KSR2: variants seen among roughly 807,000 people sequenced by gnomAD.
The protein encoded by KSR2 is kinase suppressor of ras 2.
Under a neutral mutation model 107.8 loss-of-function variants are expected in KSR2, and 25 were observed. The observed-to-expected ratio is 0.23, with a 90% CI of 0.17 to 0.32. The LOEUF (loss-of-function observed/expected upper bound fraction) is 0.32, where lower values mean the gene tolerates loss of function less well. KSR2 is among the 10% of genes least tolerant of loss of function. The probability of loss-of-function intolerance (pLI) is 1.00; values close to 1 mark genes in which losing one functional copy is unlikely to be tolerated. For missense variants in KSR2, 887 were observed against 1,268.9 expected (o/e 0.70, Z 4.57); for synonymous variants, 480 against 507.0 (o/e 0.95, Z 0.71).
intron 5 of KSR2, among the ~76,000 whole-genome samples, chr12:117,625,947 A>G (rs1207091054): frequency 2.6e-5 from 4 of 152,230 alleles, no homozygotes; most frequent in Admixed American, 2.0e-4. Context: ...ATATGTGTCC[A>G]GGAATTTATC....
chr12:117,729,721 T>C (rs1887583651), intron 4 of KSR2, among the ~76,000 whole-genome samples: 1 of 152,208 alleles, frequency 6.6e-6, no homozygotes, highest in African/African-American at 2.4e-5. Context: ...TTCATTCATT[T>C]GACAAACATT....
chr12:117,952,155 TCACACA>T (rs112314585), intron 1 of KSR2, among the ~76,000 whole-genome samples: 22 of 147,420 alleles, frequency 1.5e-4, no homozygotes, highest in African/African-American at 2.5e-4. Context: ...AATGTTCTCA[TCACACA>T]CACACACACA....
At chr12:117,639,308 TTTATTA>T (rs959495583) in intron 5 of KSR2, among the ~76,000 whole-genome samples, 2 of 151,362 alleles carry the variant, frequency 1.3e-5, no homozygotes, top group Non-Finnish European at 2.9e-5. Context: ...GACACACTAG[TTTATTA>T]TTATTATCAT....
intron 1 of KSR2, among the ~76,000 whole-genome samples, chr12:117,882,626 C>T (rs2137325601): frequency 6.6e-6 from 1 of 151,818 alleles, no homozygotes; most frequent in East Asian, 1.9e-4. Flanking sequence ...TCTATCCATC[C>T]ATCCATCCAT....
At chr12:117,567,944 A>T (rs1565904144) in intron 7 of KSR2, among the ~76,000 whole-genome samples, 1 of 151,636 alleles carries the variant, frequency 6.6e-6, no homozygotes, top group African/African-American at 2.4e-5. Context: ...GTATGCTCCA[A>T]GTACAGGATA....
chr12:117,843,496 C>T (rs1892575297), intron 3 of KSR2, among the ~76,000 whole-genome samples: 1 of 152,204 alleles, frequency 6.6e-6, no homozygotes, highest in South Asian at 2.1e-4. Flanking sequence ...CCCGTGTTTC[C>T]AGAATCCCCT....
At chr12:117,951,308 C>T (rs1046378676) in intron 1 of KSR2, among the ~76,000 whole-genome samples, 1 of 152,084 alleles carries the variant, frequency 6.6e-6, no homozygotes, top group South Asian at 2.1e-4. Context: ...GAGTTTATCA[C>T]AAAACACTGC....
In KSR2 at chr12:117,502,234, T is replaced by A. The variant is rs572316809; in HGVS notation, c.2220-16543A>T. Among the ~76,000 whole-genome samples, 8 of 152,358 alleles carry A rather than the reference T, an allele frequency of 5.3e-5. No individual in the cohort carries two copies. The East Asian group carries it at 1.5e-3, about 29-fold the overall frequency. Reference sequence around the variant, plus strand: ...ATGTGCATGACTGTAGGCGCATGTGTGTGTACATATGTATGTGGACTCACG... The same window carrying A: ...ATGTGCATGACTGTAGGCGCATGTGAGTGTACATATGTATGTGGACTCACG... On this transcript the variant is annotated intron_variant, in intron 14 of 19. Transcript: ENST00000339824.
intron 1 of KSR2, among the ~76,000 whole-genome samples, chr12:117,878,787 C>T (rs1428456128): frequency 6.6e-6 from 1 of 152,220 alleles, no homozygotes; most frequent in Non-Finnish European, 1.5e-5. Flanking sequence ...TGCTAAGCAG[C>T]TTCCCACTTT....
intron 17 of KSR2, among the ~76,000 whole-genome samples, chr12:117,474,681 TCCTAGGC>T (rs920422633): frequency 3.9e-5 from 6 of 152,184 alleles, no homozygotes; most frequent in Non-Finnish European, 8.8e-5. Flanking sequence ...TGGCGCTGTG[TCCTAGGC>T]CCTTCTTCTC....
chr12:117,697,346 T>C (rs1250795926), intron 4 of KSR2, among the ~76,000 whole-genome samples: 2 of 152,242 alleles, frequency 1.3e-5, no homozygotes, highest in Non-Finnish European at 2.9e-5. Context: ...AAAATGTTGA[T>C]TCTTGATCAG....
intron 10 of KSR2, among the ~76,000 whole-genome samples, chr12:117,538,115 C>A (rs892127108): frequency 9.3e-5 from 14 of 150,100 alleles, no homozygotes; most frequent in Admixed American, 9.3e-4. Flanking sequence ...TTTTTTTTCC[C>A]TTCATCCCCT....
intron 16 of KSR2, among the ~76,000 whole-genome samples, chr12:117,477,921 A>G (rs1223957000): frequency 6.6e-6 from 1 of 152,188 alleles, no homozygotes; most frequent in Non-Finnish European, 1.5e-5. Flanking sequence ...AAATTCTTAG[A>G]TGTGGAAGGA....
At chr12:117,555,057 G>T in intron 9 of KSR2, 112 bp downstream of exon 9, 2 of 1,312,212 alleles carry the variant, frequency 1.5e-6, no homozygotes, top group Non-Finnish European at 2.1e-6. Flanking sequence ...TAGGGGAGCC[G>T]AGACGGGCTA....
In KSR2 at chr12:117,949,307, G is replaced by GAA. The variant is rs34791085; in HGVS notation, c.180+18767_180+18768dup. Among the ~76,000 whole-genome samples, 77 of 147,024 alleles carry GAA rather than the reference G, an allele frequency of 5.2e-4. No homozygotes were observed. In the East Asian group the frequency reaches 5.4e-3, roughly 10 times the overall value. Reference sequence around the variant, plus strand: ...GCTCTGCAAACAGTACTGTTAAGAGGAAAAAAAAAAAGAAAATCTTCGGAA... The same window carrying GAA: ...GCTCTGCAAACAGTACTGTTAAGAGGAAAAAAAAAAAAAGAAAATCTTCGGAA... On this transcript the variant is annotated intron_variant, in intron 1 of 19. Transcript: ENST00000339824.
At chr12:117,712,258 G>A (rs1274195094) in intron 4 of KSR2, among the ~76,000 whole-genome samples, 4 of 152,174 alleles carry the variant, frequency 2.6e-5, no homozygotes, top group Non-Finnish European at 5.9e-5. Flanking sequence ...CCTCTCAAGG[G>A]GGTAGACTTC....
intron 14 of KSR2, among the ~76,000 whole-genome samples, chr12:117,510,771 G>A (rs999468028): frequency 1.3e-5 from 2 of 151,816 alleles, no homozygotes; most frequent in East Asian, 1.9e-4. Context: ...CCAACTACTC[G>A]GGAGGCTGAG....
chr12:117,794,226 C>T (rs1280408019), intron 3 of KSR2, among the ~76,000 whole-genome samples: 1 of 112,400 alleles, frequency 8.9e-6, no homozygotes, highest in Non-Finnish European at 1.7e-5. Flanking sequence ...TGCACACACA[C>T]CAACATGCAC....
rs73215907 is a variant in KSR2 at position 117,728,420 on chromosome 12, A to G, written c.986+32591T>C. 3.0e-3 allele frequency among the ~76,000 whole-genome samples: 453 copies of G among 152,332 alleles called. 1 individual carries two copies. Among genetic ancestry groups the G allele is most frequent in the Non-Finnish European group, 5.4e-3 (366 of 68,030 alleles). On this transcript the variant is annotated intron_variant, in intron 4 of 19. Coordinates refer to ENST00000339824, the MANE Select transcript of KSR2 (RefSeq NM_173598.6). ...GCTCACAAATTCTTCACCGGAGTCC[A>G]AGTTTGCAGAGATGCTCAAAGCAAA... is the stretch of plus-strand genomic sequence containing the variant.
Sources: gnomAD v4.1 joint callset for allele counts (sites outside exome capture counted in the v4.1 genomes callset) on GRCh38, gnomAD v4.1.1 for gene constraint, MANE v1.5 for transcripts, NCBI Gene and HGNC (gene_info 2026-07-23, HGNC 2026-07-21) for gene names.